Variants in KAZN observed in about 807,000 individuals in gnomAD.
KAZN encodes the protein kazrin.
In KAZN, 40 loss-of-function variants were observed where a neutral mutation model predicts 87.4. That is an observed-to-expected ratio of 0.46 (90% CI 0.36 to 0.60). The LOEUF (loss-of-function observed/expected upper bound fraction) is 0.60. Among genes scored for constraint, KAZN ranks in the 20% least tolerant of loss-of-function variants. The pLI is 0.00. For synonymous variants in KAZN, 466 were observed against 458.3 expected (o/e 1.02, Z -0.22); for missense variants, 898 against 1,073.9 (o/e 0.84, Z 2.29).
At chr1:14,370,257 A>G (rs1660368811) in intron 2 of KAZN, among the ~76,000 whole-genome samples, 1 of 152,150 alleles carries the variant, frequency 6.6e-6, no homozygotes, top group South Asian at 2.1e-4. Flanking sequence ...AGAAGTGGGG[A>G]GGACTGGTCC....
intron 1 of KAZN, among the ~76,000 whole-genome samples, chr1:14,709,075 C>T (rs901577663): frequency 6.6e-6 from 1 of 152,088 alleles, no homozygotes; most frequent in African/African-American, 2.4e-5. Context: ...TAGTACCCAC[C>T]AGGCATGGTG....
At chr1:14,461,352 C>A (rs1029477912) in intron 2 of KAZN, among the ~76,000 whole-genome samples, 2 of 152,088 alleles carry the variant, frequency 1.3e-5, no homozygotes, top group African/African-American at 2.4e-5. Flanking sequence ...GCATACTGTT[C>A]TGTGGTGGTG....
intron 2 of KAZN, among the ~76,000 whole-genome samples, chr1:14,205,884 CAAAAAAAA>C (rs70997121): frequency 8.5e-5 from 3 of 35,220 alleles, no homozygotes; most frequent in Admixed American, 6.1e-4. Context: ...GACACTGTCT[CAAAAAAAA>C]AAAAAAAAAA....
chr1:14,180,413 T>G, intron 1 of KAZN: 1 of 1,544,032 alleles, frequency 6.5e-7, no homozygotes, highest in Non-Finnish European at 8.7e-7. Context: ...GACTCTACTT[T>G]TCCTTCTTTT....
intron 2 of KAZN, among the ~76,000 whole-genome samples, chr1:14,421,023 G>A (rs1394707679): frequency 1.3e-5 from 2 of 152,120 alleles, no homozygotes; most frequent in African/African-American, 2.4e-5. Flanking sequence ...CGGCCAGAGT[G>A]GGCGCCGAGG....
chr1:14,189,715 G>A (rs1646384551), intron 2 of KAZN, among the ~76,000 whole-genome samples: 1 of 152,182 alleles, frequency 6.6e-6, no homozygotes, highest in South Asian at 2.1e-4. Context: ...TATCAAGTTT[G>A]CTGCTATCCC....
chr1:14,591,845 G>A (rs1051700461), intron 2 of KAZN, among the ~76,000 whole-genome samples: 4 of 152,226 alleles, frequency 2.6e-5, no homozygotes, highest in East Asian at 1.9e-4. Context: ...AACACTGAAC[G>A]CATAGATTTC....
intron 1 of KAZN, among the ~76,000 whole-genome samples, chr1:14,623,342 A>T (rs1294019109): frequency 6.6e-6 from 1 of 152,242 alleles, no homozygotes; most frequent in Non-Finnish European, 1.5e-5. Flanking sequence ...ACTGGAGGCC[A>T]TTATGCTCAG....
At chr1:14,746,999 G>T (rs892228981) in intron 1 of KAZN, among the ~76,000 whole-genome samples, 3 of 151,962 alleles carry the variant, frequency 2.0e-5, no homozygotes, top group African/African-American at 7.3e-5. Flanking sequence ...CCCATCCCTT[G>T]TCCCCCCAGC....
chr1:14,916,380 G>A (rs1557617136), intron 1 of KAZN, among the ~76,000 whole-genome samples: 1 of 152,010 alleles, frequency 6.6e-6, no homozygotes, highest in Non-Finnish European at 1.5e-5. Context: ...ATGTTGGCCA[G>A]GCTGATCTTG....
chr1:15,082,519 T>C (rs953184298), intron 8 of KAZN, among the ~76,000 whole-genome samples: 8 of 152,238 alleles, frequency 5.3e-5, no homozygotes, highest in African/African-American at 1.4e-4. Flanking sequence ...ATTAAAATGC[T>C]AGAGCACTAA....
chr1:15,065,979 C>T lies in KAZN; in HGVS notation c.1222+226C>T, dbSNP rs192749707. 7.1e-4 allele frequency: 958 copies of T among 1,356,242 alleles called. 17 individuals are homozygous for T. In the Admixed American group the frequency reaches 0.017, roughly 24 times the overall value. 84.0% of individuals were successfully genotyped at this position (1,356,242 alleles called of 1,614,324 possible). A position where few individuals can be genotyped will look rare whatever the true frequency, so the allele number is the denominator to read the frequency against. ...TGAAAACACGAGTGTGAACCTCTCT[C>T]CCCTGCGTCGCCACCTCTGTAATTG... is the stretch of plus-strand genomic sequence containing the variant. On this transcript the variant is annotated intron_variant, in intron 8 of 14. Coordinates refer to ENST00000376030, the MANE Select transcript of KAZN (RefSeq NM_201628.3).
At chr1:14,443,140 C>T (rs1000546376) in intron 2 of KAZN, among the ~76,000 whole-genome samples, 11 of 152,210 alleles carry the variant, frequency 7.2e-5, no homozygotes, top group South Asian at 2.1e-4. Flanking sequence ...CTCTTCCAAA[C>T]GTGATCTGGG....
chr1:14,931,516 C>T (rs923612092), intron 1 of KAZN, among the ~76,000 whole-genome samples: 1 of 152,110 alleles, frequency 6.6e-6, no homozygotes, highest in African/African-American at 2.4e-5. Context: ...TTACCATCTT[C>T]CCAGCCCTCT....
chr1:14,322,828 T>G (rs528688129), intron 2 of KAZN, among the ~76,000 whole-genome samples: 1 of 152,150 alleles, frequency 6.6e-6, no homozygotes, highest in Non-Finnish European at 1.5e-5. Context: ...AAATCCCACA[T>G]GTATTAGTTT....
intron 2 of KAZN, among the ~76,000 whole-genome samples, chr1:14,336,067 G>C (rs1657247181): frequency 6.6e-6 from 1 of 152,236 alleles, no homozygotes. Flanking sequence ...TTACAAACAG[G>C]ATGTCCTGAC....
At chr1:15,108,432 A>T (rs1031107450) in intron 13 of KAZN, among the ~76,000 whole-genome samples, 2 of 152,280 alleles carry the variant, frequency 1.3e-5, no homozygotes, top group African/African-American at 2.4e-5. Flanking sequence ...GTGATTTTAG[A>T]CAAGAAATTT....
At position 14,883,346 on chromosome 1, in the gene KAZN, GAAAGAAAGAAA is replaced by G. The variant is rs1247364180; in HGVS notation, c.227-77336_227-77326del. Among the ~76,000 whole-genome samples the G allele has an allele frequency of 6.5e-4, 21 of 32,492 alleles. 3 individuals carry two copies. The highest frequency in any genetic ancestry group is 8.1e-4 in the Admixed American group (2 of 2,474). 21.3% of individuals were successfully genotyped at this position (32,492 alleles called of 152,430 possible). On this transcript the variant is annotated intron_variant, in intron 1 of 14. Coordinates refer to ENST00000376030, the MANE Select transcript of KAZN (RefSeq NM_201628.3). ...AGAGAGAGAGAGAGAGAGAGAGAAA[GAAAGAAAGAAA>G]AGAAAGAAAGAAAGAAAGAAAGAAA...
chr1:14,301,987 T>C (rs1654588202), intron 2 of KAZN, among the ~76,000 whole-genome samples: 1 of 152,198 alleles, frequency 6.6e-6, no homozygotes, highest in African/African-American at 2.4e-5. Context: ...CGCTCCCAAT[T>C]GGACTCTAAG....
Sources: allele counts gnomAD v4.1 joint callset (sites outside exome capture counted in the v4.1 genomes callset), GRCh38; gene constraint gnomAD v4.1.1; transcripts MANE v1.5; gene names NCBI Gene and HGNC (gene_info 2026-07-23, HGNC 2026-07-21).